Variants in EPS8 observed in about 807,000 individuals in gnomAD.
The protein encoded by EPS8 is epidermal growth factor receptor kinase substrate 8.
In EPS8, 42 loss-of-function variants were observed where a neutral mutation model predicts 103.8. That is an observed-to-expected ratio of 0.40 (90% CI 0.32 to 0.52). The LOEUF (loss-of-function observed/expected upper bound fraction) is 0.52, where lower values mean the gene tolerates loss of function less well. Among genes scored for constraint, EPS8 ranks in the 20% least tolerant of loss-of-function variants. The pLI is 0.40. For synonymous variants in EPS8, 344 were observed against 344.6 expected (o/e 1.00, Z 0.02); for missense variants, 969 against 1,005.1 (o/e 0.96, Z 0.49).
chr12:15,753,897 G>A (rs1565531013), intron 1 of EPS8, among the ~76,000 whole-genome samples: 2 of 152,256 alleles, frequency 1.3e-5, no homozygotes, highest in Admixed American at 6.5e-5. Context: ...TAACAATGAG[G>A]GCAATTACTG....
rs372111796 is a variant in EPS8, at chr12:15,670,836, C to A, written c.204+20G>T. The stretch of plus-strand genomic sequence containing the variant: ...CCTCAAGGGTCACTCTAAATACTAG[C>A]AAACACCAAAGCATCTTACTTCAAC... On this transcript the variant is annotated intron_variant, in intron 4 of 20. Coordinates refer to ENST00000281172, the MANE Select transcript of EPS8 (RefSeq NM_004447.6). 1.1e-5 allele frequency: 18 copies of A among 1,572,250 alleles called. No individual in the cohort carries two copies. Among genetic ancestry groups the A allele is most frequent in the Non-Finnish European group, 1.5e-5 (17 of 1,144,430 alleles).
intron 17 of EPS8, among the ~76,000 whole-genome samples, chr12:15,632,231 G>T (rs985048561): frequency 1.4e-4 from 21 of 152,026 alleles, no homozygotes; most frequent in African/African-American, 3.4e-4. Context: ...AAATGTCACG[G>T]GGTGGATGGT....
In EPS8 at chr12:15,669,805, C is replaced by G. The variant is rs1386899200; in HGVS notation, c.225G>C (p.Leu75=). 2 of 1,606,160 alleles carry G rather than the reference C, an allele frequency of 1.2e-6. No individual in the cohort carries two copies. The highest frequency in any genetic ancestry group is 2.7e-5 in the African/African-American group (2 of 74,410). Residue 75 remains leucine (L), a synonymous_variant, in exon 5 of 21, where the codon CTG becomes CTC. Coordinates refer to ENST00000281172, the MANE Select transcript of EPS8 (RefSeq NM_004447.6). ...YRVEHLTTFV[L]DRKDAMITVD... ...CAGTGATCATAGCATCTTTCCGATCCAGGACAAAGGTAGTCAAGTGCTTAC... is the reference window on the plus strand; with the variant it reads ...CAGTGATCATAGCATCTTTCCGATCGAGGACAAAGGTAGTCAAGTGCTTAC...
chr12:15,710,807 A>G (rs1946452432), intron 1 of EPS8, among the ~76,000 whole-genome samples: 1 of 152,154 alleles, frequency 6.6e-6, no homozygotes, highest in South Asian at 2.1e-4. Flanking sequence ...AGACTACATG[A>G]TAACCTACCT....
chr12:15,651,158 C>A, intron 13 of EPS8, 152 bp from the exon 14 acceptor site: 1 of 549,234 alleles, frequency 1.8e-6, no homozygotes, highest in Non-Finnish European at 3.1e-6. Flanking sequence ...CTTCCATCCA[C>A]CCAAAAAGAA....
intron 4 of EPS8, 36 bp from the exon 5 acceptor site, chr12:15,669,861 C>T (rs772587613): frequency 6.8e-7 from 1 of 1,466,044 alleles, no homozygotes; most frequent in South Asian, 1.3e-5. Flanking sequence ...ATTTATAACA[C>T]ATACAAACAC....
intron 1 of EPS8, among the ~76,000 whole-genome samples, chr12:15,715,276 T>C (rs2417473): frequency 0.98 from 149,244 of 152,126 alleles, 73,273 homozygotes; most frequent in East Asian, 1. Context: ...AGGGTCAGAT[T>C]TTATTTGAGA....
chr12:15,788,164 C>T (rs1947328793), intron 1 of EPS8, among the ~76,000 whole-genome samples: 1 of 152,224 alleles, frequency 6.6e-6, no homozygotes, highest in Admixed American at 6.5e-5. Context: ...ACACTCTTCA[C>T]ACATCTGAAA....
At chr12:15,639,202 C>G (rs1018227638) in intron 17 of EPS8, among the ~76,000 whole-genome samples, 20 of 152,040 alleles carry the variant, frequency 1.3e-4, no homozygotes, top group Non-Finnish European at 2.6e-4. Context: ...GTTGATATAG[C>G]CCAAAGGTAT....
Position 15,669,702 on chromosome 12 carries a change from C to T in EPS8, c.328G>A (p.Asp110Asn), listed in dbSNP as rs771204015. ...VWTQDMILQV[D>N]DRAVSLIDLE... ...TCAATCAGGCTCACAGCTCTGTCAT[C>T]CACTTGAAGAATCATATCTTGAGTC... The change falls in exon 5 of 21, where the codon GAT becomes AAT. Residue 110 changes from aspartate to asparagine, a missense_variant. Coordinates refer to ENST00000281172, the MANE Select transcript of EPS8 (RefSeq NM_004447.6). 2.5e-6 allele frequency: 4 copies of T among 1,612,096 alleles called. No homozygotes were observed. The highest frequency in any genetic ancestry group is 2.2e-5 in the South Asian group (2 of 90,656).
At chr12:15,712,610 A>C (rs1009433767) in intron 1 of EPS8, among the ~76,000 whole-genome samples, 2 of 152,172 alleles carry the variant, frequency 1.3e-5, no homozygotes, top group Non-Finnish European at 2.9e-5. Flanking sequence ...AATCCTTTGA[A>C]TCTCCACCTC....
rs1946533532 is a variant in EPS8 at position 15,716,361 on chromosome 12, A to G, written c.-21-33389T>C. ...GATAATGAAGTCTTATGAAAGGCTA[A>G]TCTGGCACAGACTGATATATGACAA... On this transcript the variant is annotated intron_variant, in intron 1 of 20. Transcript: ENST00000281172. This position sits in a 1 kb window ranked among gnomAD's most constrained non-coding sequence, Gnocchi z 5.0. Among the ~76,000 whole-genome samples the G allele has an allele frequency of 6.6e-6, 1 of 152,198 alleles. No individual in the cohort carries two copies. The highest frequency in any genetic ancestry group is 2.4e-5 in the African/African-American group (1 of 41,452).
In EPS8 at chr12:15,669,469, T is replaced by A; in HGVS notation, c.434A>T (p.Tyr145Phe). 6.2e-7 allele frequency: 1 copy of A among 1,614,026 alleles called. No individual in the cohort carries two copies. The highest frequency in any genetic ancestry group is 2.2e-5 in the East Asian group (1 of 44,874). Residue 145 changes from tyrosine to phenylalanine, a missense_variant, in exon 6 of 21, where the codon TAT (tyrosine) becomes TTT (phenylalanine). Coordinates refer to ENST00000281172, the MANE Select transcript of EPS8 (RefSeq NM_004447.6). Reference sequence around the variant, plus strand: ...GCACACCAGTGCAAGAACTGAATCATAGCTGCATGAATGCATCACAGCTTG... The same window carrying A: ...GCACACCAGTGCAAGAACTGAATCAAAGCTGCATGAATGCATCACAGCTTG... The part of the protein sequence containing the change: ...HCQAVMHSCS[Y>F]DSVLALVCKE...
At position 15,767,401 on chromosome 12, in the gene EPS8, G is replaced by A. The variant is rs888355936; in HGVS notation, c.-22+21760C>T. 1.6e-4 allele frequency among the ~76,000 whole-genome samples: 25 copies of A among 151,982 alleles called. No individual in the cohort carries two copies. Among genetic ancestry groups the A allele is most frequent in the African/African-American group, 5.8e-4 (24 of 41,360 alleles). On this transcript the variant is annotated intron_variant, in intron 1 of 20. Coordinates refer to ENST00000281172, the MANE Select transcript of EPS8 (RefSeq NM_004447.6). The surrounding 1 kb of genome is among the most constrained non-coding windows in gnomAD (Gnocchi z 5.5). ...CTGCTATGAAATGTTTTATCTTGAC[G>A]CTTTCTATTCTAAAGCCACAACAGG...
chr12:15,682,503 G>C (rs1000119351), intron 2 of EPS8, among the ~76,000 whole-genome samples: 1 of 152,088 alleles, frequency 6.6e-6, no homozygotes. Context: ...AACTTGATTA[G>C]TTTATACTAA....
chr12:15,750,357 A>C (rs1946919165), intron 1 of EPS8, among the ~76,000 whole-genome samples: 1 of 152,196 alleles, frequency 6.6e-6, no homozygotes, highest in African/African-American at 2.4e-5. Context: ...TAAGCAGTCC[A>C]ATCACTCAGT....
chr12:15,746,281 G>T (rs1479039234), intron 1 of EPS8, among the ~76,000 whole-genome samples: 1 of 152,036 alleles, frequency 6.6e-6, no homozygotes, highest in African/African-American at 2.4e-5. Flanking sequence ...TTAACACCAA[G>T]AATATCAGCC....
chr12:15,746,770 A>C (rs1229525646), intron 1 of EPS8, among the ~76,000 whole-genome samples: 1 of 152,106 alleles, frequency 6.6e-6, no homozygotes, highest in Non-Finnish European at 1.5e-5. Context: ...CTATTGAAAA[A>C]CAACAAATCT....
intron 1 of EPS8, among the ~76,000 whole-genome samples, chr12:15,709,443 G>A (rs1591882510): frequency 6.6e-6 from 1 of 152,128 alleles, no homozygotes; most frequent in Middle Eastern, 3.4e-3. Flanking sequence ...AAAAAAGGCA[G>A]GAAATGGAAA....
Sources: gnomAD v4.1 joint callset for allele counts (sites outside exome capture counted in the v4.1 genomes callset) on GRCh38, gnomAD v4.1.1 for gene constraint, Gnocchi (gnomAD v3.1) non-coding constraint, MANE v1.5 for transcripts, NCBI Gene and HGNC (gene_info 2026-07-23, HGNC 2026-07-21) for gene names.